TSPAN13: variants seen among roughly 807,000 people sequenced by gnomAD.
TSPAN13 encodes tetraspanin 13.
A neutral mutation model predicts 26.9 loss-of-function variants in TSPAN13; 18 were observed. The ratio of observed to expected loss-of-function variants is 0.67; its 90% confidence interval spans 0.46 to 0.99. The LOEUF is 0.99. Ranked by LOEUF, TSPAN13 falls within the 50% of genes least tolerant of loss-of-function variation. The pLI, the probability that TSPAN13 is intolerant of heterozygous loss-of-function variation, is 0.00. For synonymous variants in TSPAN13, 116 were observed against 98.4 expected (o/e 1.18, Z -1.06); for missense variants, 201 against 249.6 (o/e 0.81, Z 1.31).
intron 1 of TSPAN13, among the ~76,000 whole-genome samples, chr7:16,769,447 T>G (rs75523213): frequency 0.011 from 1,673 of 152,326 alleles, 22 homozygotes; most frequent in African/African-American, 0.037. Context: ...TTTTAGGTCT[T>G]CTTTCATGTT....
chr7:16,767,932 G>GAT (rs546559874), intron 1 of TSPAN13, among the ~76,000 whole-genome samples: 12 of 151,920 alleles, frequency 7.9e-5, no homozygotes, highest in Admixed American at 6.5e-4. Flanking sequence ...TTACTTTTGA[G>GAT]ATGGAGTATC....
intron 1 of TSPAN13, among the ~76,000 whole-genome samples, chr7:16,762,155 T>C (rs1784548726): frequency 6.6e-6 from 1 of 152,188 alleles, no homozygotes; most frequent in Admixed American, 6.5e-5. Flanking sequence ...TGATGAAAGA[T>C]TGAAGGTTAT....
chr7:16,771,723 A>T (rs778222166), intron 1 of TSPAN13, among the ~76,000 whole-genome samples: 30 of 152,236 alleles, frequency 2.0e-4, no homozygotes, highest in Admixed American at 3.9e-4. Flanking sequence ...CTGTAAGGCA[A>T]TACATTTGTG....
At chr7:16,754,849 A>G (rs1286705225) in intron 1 of TSPAN13, among the ~76,000 whole-genome samples, 4 of 152,156 alleles carry the variant, frequency 2.6e-5, no homozygotes, top group Admixed American at 2.6e-4. Flanking sequence ...ATCGACATTT[A>G]TTGAATGCCT....
At chr7:16,754,650 T>A (rs544606231) in intron 1 of TSPAN13, among the ~76,000 whole-genome samples, 5 of 152,322 alleles carry the variant, frequency 3.3e-5, no homozygotes, top group East Asian at 3.9e-4. Context: ...GTGCTTTTTC[T>A]GTGTGTCTTG....
At chr7:16,761,828 C>A (rs1388911359) in intron 1 of TSPAN13, among the ~76,000 whole-genome samples, 1 of 149,766 alleles carries the variant, frequency 6.7e-6, no homozygotes, top group Non-Finnish European at 1.5e-5. Context: ...AGCCACTGAA[C>A]CTGCCTACCT....
chr7:16,762,553 C>T (rs1149521), intron 1 of TSPAN13, among the ~76,000 whole-genome samples: 2,233 of 152,258 alleles, frequency 0.015, 63 homozygotes, highest in African/African-American at 0.051. Context: ...TAGAAATGAC[C>T]TGATCTGATT....
chr7:16,773,999 G>C (rs1784711908), intron 1 of TSPAN13, among the ~76,000 whole-genome samples: 1 of 152,210 alleles, frequency 6.6e-6, no homozygotes, highest in African/African-American at 2.4e-5. Flanking sequence ...TCTAGATGTT[G>C]CCGCAAAAAT....
At chr7:16,780,760 C>A (rs1784805372) in intron 5 of TSPAN13, among the ~76,000 whole-genome samples, 1 of 152,170 alleles carries the variant, frequency 6.6e-6, no homozygotes, top group Admixed American at 6.5e-5. Context: ...GTCATCAGAT[C>A]ACACTGCCTT....
At chr7:16,756,077 A>C (rs1784478430) in intron 1 of TSPAN13, among the ~76,000 whole-genome samples, 1 of 152,216 alleles carries the variant, frequency 6.6e-6, no homozygotes, top group Non-Finnish European at 1.5e-5. Flanking sequence ...AATAGGCTTA[A>C]ATAACTGCAG....
chr7:16,761,464 A>C (rs1184722806), intron 1 of TSPAN13, among the ~76,000 whole-genome samples: 2 of 152,176 alleles, frequency 1.3e-5, no homozygotes, highest in African/African-American at 4.8e-5. Context: ...TTCAGTGTTC[A>C]CGTGTAATTC....
chr7:16,768,542 T>C (rs1284955256), intron 1 of TSPAN13, among the ~76,000 whole-genome samples: 3 of 152,252 alleles, frequency 2.0e-5, no homozygotes, highest in Non-Finnish European at 4.4e-5. Context: ...ACCCTTATAA[T>C]ACTTTCTTAA....
intron 4 of TSPAN13, among the ~76,000 whole-genome samples, chr7:16,778,555 T>C (rs1360905156): frequency 6.6e-6 from 1 of 152,188 alleles, no homozygotes; most frequent in East Asian, 1.9e-4. Context: ...GAATTCAGTC[T>C]TTGTGGCTGT....
At chr7:16,775,940 A>T in intron 1 of TSPAN13, 2 of 332,918 alleles carry the variant, frequency 6.0e-6, no homozygotes, top group Non-Finnish European at 1.1e-5. Context: ...TAGTAAACAG[A>T]TGACTTCTGA....
rs144836237 is a variant in TSPAN13, at chr7:16,757,246, T to G, written c.63+3216T>G. Among the ~76,000 whole-genome samples, 271 of 152,316 alleles carry G rather than the reference T, an allele frequency of 1.8e-3. 3 individuals carry two copies. Among genetic ancestry groups the G allele is most frequent in the Middle Eastern group, 6.8e-3 (2 of 294 alleles). On this transcript the variant is annotated intron_variant, in intron 1 of 5. Transcript: ENST00000262067. ...TGTAGAAATAGTGTGTGGGTCTTTT[T>G]GATACCATTTAGGATATACATAAAA...
At chr7:16,778,549 T>C (rs7808455) in intron 4 of TSPAN13, among the ~76,000 whole-genome samples, 52,804 of 152,034 alleles carry the variant, frequency 0.35, 9,412 homozygotes, top group Non-Finnish European at 0.39. Flanking sequence ...TTGGAAGAAT[T>C]CAGTCTTTGT....
chr7:16,770,468 C>T (rs1784661369), intron 1 of TSPAN13, among the ~76,000 whole-genome samples: 1 of 152,222 alleles, frequency 6.6e-6, no homozygotes, highest in African/African-American at 2.4e-5. Context: ...CTTCGGCCTC[C>T]CAAAGTGTTG....
intron 1 of TSPAN13, among the ~76,000 whole-genome samples, chr7:16,774,036 A>G (rs1409736536): frequency 6.6e-6 from 1 of 152,230 alleles, no homozygotes; most frequent in African/African-American, 2.4e-5. Context: ...AACATTTACA[A>G]TCAGTTGACT....
chr7:16,759,188 G>C (rs1036872025), intron 1 of TSPAN13, among the ~76,000 whole-genome samples: 1 of 152,154 alleles, frequency 6.6e-6, no homozygotes, highest in Non-Finnish European at 1.5e-5. Flanking sequence ...AAAGAAAACA[G>C]TGTACGAAAG....
Sources: allele counts gnomAD v4.1 joint callset (sites outside exome capture counted in the v4.1 genomes callset), GRCh38; gene constraint gnomAD v4.1.1; transcripts MANE v1.5; gene names NCBI Gene and HGNC (gene_info 2026-07-23, HGNC 2026-07-21).